The following ADAMTSL1 variants were observed in gnomAD, a reference collection of about 807,000 sequenced individuals.
The protein encoded by ADAMTSL1 is ADAMTS like 1.
A neutral mutation model predicts 201.8 loss-of-function variants in ADAMTSL1; 126 were observed. The ratio of observed to expected loss-of-function variants is 0.62; its 90% confidence interval spans 0.54 to 0.72. The LOEUF (loss-of-function observed/expected upper bound fraction) is 0.72. ADAMTSL1 is among the 30% of genes least tolerant of loss of function. The probability of loss-of-function intolerance (pLI) is 0.00; values close to 1 mark genes in which losing one functional copy is unlikely to be tolerated. For synonymous variants in ADAMTSL1, 1,121 were observed against 903.4 expected, an observed-to-expected ratio of 1.24 and a Z score of -4.32; for missense variants, 2,679 against 2,277.8, an observed-to-expected ratio of 1.18 and a Z score of -3.59.
intron 2 of ADAMTSL1, among the ~76,000 whole-genome samples, chr9:18,356,248 A>G (rs1258792018): frequency 6.6e-6 from 1 of 152,130 alleles, no homozygotes; most frequent in African/African-American, 2.4e-5. Flanking sequence ...ATGGGAGCAG[A>G]AGTTCACAGT....
chr9:18,774,425 A>G (rs1820865085), intron 17 of ADAMTSL1, among the ~76,000 whole-genome samples: 1 of 151,944 alleles, frequency 6.6e-6, no homozygotes, highest in Non-Finnish European at 1.5e-5. Flanking sequence ...TGAAATTATT[A>G]TCTTTTTTCT....
intron 2 of ADAMTSL1, among the ~76,000 whole-genome samples, chr9:18,172,237 T>G (rs1290374282): frequency 6.6e-6 from 1 of 151,548 alleles, no homozygotes; most frequent in Non-Finnish European, 1.5e-5. Flanking sequence ...GTAACAAACC[T>G]GCACGTTCTA....
intron 1 of ADAMTSL1, among the ~76,000 whole-genome samples, chr9:18,085,999 A>G (rs1424897667): frequency 6.6e-6 from 1 of 152,166 alleles, no homozygotes; most frequent in South Asian, 2.1e-4. Context: ...CGATGAGCAC[A>G]GATTGGGTAT....
At chr9:18,509,411 T>G (rs1817888886) in intron 2 of ADAMTSL1, among the ~76,000 whole-genome samples, 1 of 152,160 alleles carries the variant, frequency 6.6e-6, no homozygotes, top group African/African-American at 2.4e-5. Flanking sequence ...GGTGTAGCAA[T>G]TATTCATTGC....
At chr9:18,288,161 A>G (rs957832783) in intron 2 of ADAMTSL1, among the ~76,000 whole-genome samples, 1 of 152,172 alleles carries the variant, frequency 6.6e-6, no homozygotes, top group Non-Finnish European at 1.5e-5. Flanking sequence ...CTTATATCAC[A>G]TTCAGTCGAC....
chr9:18,055,405 G>A (rs2131679662), intron 1 of ADAMTSL1, among the ~76,000 whole-genome samples: 1 of 152,314 alleles, frequency 6.6e-6, no homozygotes, highest in African/African-American at 2.4e-5. Flanking sequence ...GTGTGTAGAA[G>A]TAGGGTCAAT....
rs1274628397 is a variant in ADAMTSL1 at position 18,719,900 on chromosome 9, G to A, written c.1877-1636G>A. Among the ~76,000 whole-genome samples, 3 of 152,282 alleles carry A rather than the reference G, an allele frequency of 2.0e-5. No homozygotes were observed. The East Asian group carries it at 5.8e-4, about 29-fold the overall frequency. ...AACTGTACTATACTAGGTAGTATCTGATGAAGCAATGCAGAAAATAAAGCA... is the reference window on the plus strand; with the variant it reads ...AACTGTACTATACTAGGTAGTATCTAATGAAGCAATGCAGAAAATAAAGCA... On this transcript the variant is annotated intron_variant, in intron 14 of 28. Transcript: ENST00000380548.
chr9:18,062,064 G>A (rs1221101090), intron 1 of ADAMTSL1, among the ~76,000 whole-genome samples: 3 of 152,152 alleles, frequency 2.0e-5, no homozygotes, highest in African/African-American at 7.2e-5. Flanking sequence ...ACTGGTTTAG[G>A]GGTGCATTCT....
chr9:18,210,870 G>A (rs1421760008), intron 2 of ADAMTSL1, among the ~76,000 whole-genome samples: 1 of 151,502 alleles, frequency 6.6e-6, no homozygotes, highest in Non-Finnish European at 1.5e-5. Flanking sequence ...AACCACAGAA[G>A]TAAAATTTGT....
At chr9:18,289,172 T>TCTATCTACCTATCTAC (rs1554650791) in intron 2 of ADAMTSL1, among the ~76,000 whole-genome samples, 1 of 138,090 alleles carries the variant, frequency 7.2e-6, no homozygotes, top group Non-Finnish European at 1.6e-5. Flanking sequence ...TATCTATCTA[T>TCTATCTACCTATCTAC]CTACCTACCT....
intron 1 of ADAMTSL1, among the ~76,000 whole-genome samples, chr9:18,022,151 A>C (rs1820503109): frequency 6.6e-6 from 1 of 152,058 alleles, no homozygotes; most frequent in Non-Finnish European, 1.5e-5. Context: ...CACCTTGAAG[A>C]ACTAGGTTTG....
At chr9:18,859,971 T>C (rs938835542) in intron 23 of ADAMTSL1, among the ~76,000 whole-genome samples, 2 of 152,212 alleles carry the variant, frequency 1.3e-5, no homozygotes, top group African/African-American at 2.4e-5. Context: ...TTACATTCAT[T>C]GACAAGAAAA....
intron 1 of ADAMTSL1, among the ~76,000 whole-genome samples, chr9:17,977,672 A>G (rs368254315): frequency 2.6e-5 from 4 of 152,054 alleles, no homozygotes; most frequent in African/African-American, 7.2e-5. Context: ...GATTTTACTC[A>G]TTTGAGTCTT....
chr9:18,893,623 G>A (rs73425213), intron 26 of ADAMTSL1, among the ~76,000 whole-genome samples: 20,742 of 152,138 alleles, frequency 0.14, 3,709 homozygotes, highest in African/African-American at 0.42. Flanking sequence ...CAAGGGCTAC[G>A]CTTGAAAGAG....
intron 2 of ADAMTSL1, among the ~76,000 whole-genome samples, chr9:18,363,970 G>A (rs930834314): frequency 5.9e-5 from 9 of 152,058 alleles, no homozygotes; most frequent in South Asian, 2.1e-4. Flanking sequence ...AAGCCTCCTA[G>A]ACACAGAACA....
chr9:18,720,003 C>G (rs1447584497), intron 14 of ADAMTSL1, among the ~76,000 whole-genome samples: 1 of 152,132 alleles, frequency 6.6e-6, no homozygotes, highest in Non-Finnish European at 1.5e-5. Context: ...ATATAAATGT[C>G]CAGCTATAGA....
At chr9:18,103,093 C>T (rs956985801) in intron 1 of ADAMTSL1, among the ~76,000 whole-genome samples, 1 of 152,080 alleles carries the variant, frequency 6.6e-6, no homozygotes, top group Non-Finnish European at 1.5e-5. Context: ...GAAATGATTT[C>T]TCTATATTCC....
At chr9:18,105,809 C>T (rs776749279) in intron 1 of ADAMTSL1, among the ~76,000 whole-genome samples, 12 of 152,068 alleles carry the variant, frequency 7.9e-5, no homozygotes, top group African/African-American at 1.2e-4. Flanking sequence ...TTTGGGAAAA[C>T]CATACTGACA....
intron 4 of ADAMTSL1, among the ~76,000 whole-genome samples, chr9:18,612,724 G>A (rs568693288): frequency 1.3e-3 from 201 of 152,202 alleles, no homozygotes; most frequent in African/African-American, 4.4e-3. Flanking sequence ...ATTAATTCAC[G>A]ATGGATTAAA....
Sources: allele counts gnomAD v4.1 joint callset (sites outside exome capture counted in the v4.1 genomes callset), GRCh38; gene constraint gnomAD v4.1.1; transcripts MANE v1.5; gene names NCBI Gene and HGNC (gene_info 2026-07-23, HGNC 2026-07-21).